NSMCE2: variants seen among roughly 807,000 people sequenced by gnomAD.
The protein encoded by NSMCE2 is NSE2 SUMO ligase component of SMC5/6 complex, also known as E3 SUMO-protein ligase NSE2.
Under a neutral mutation model 23.8 loss-of-function variants are expected in NSMCE2, and 24 were observed. That is an observed-to-expected ratio of 1.01 (90% CI 0.73 to 1.42). The LOEUF (loss-of-function observed/expected upper bound fraction) is 1.42, where lower values mean the gene tolerates loss of function less well. NSMCE2 is among the 40% of genes most tolerant of loss of function. NSMCE2 has a pLI of 0.00. For missense variants in NSMCE2, 284 were observed against 296.5 expected, an observed-to-expected ratio of 0.96 and a Z score of 0.31; for synonymous variants, 92 against 94.1, an observed-to-expected ratio of 0.98 and a Z score of 0.13.
intron 5 of NSMCE2, among the ~76,000 whole-genome samples, chr8:125,273,360 C>T (rs1414760554): frequency 6.6e-6 from 1 of 152,122 alleles, no homozygotes; most frequent in Non-Finnish European, 1.5e-5. Context: ...TGTTGCATCA[C>T]AAAGATTTAT....
Position 125,114,514 on chromosome 8 carries a change from A to G in NSMCE2, c.157+12027A>G, listed in dbSNP as rs544406447. 2.3e-4 allele frequency among the ~76,000 whole-genome samples: 35 copies of G among 152,366 alleles called. No individual in the cohort carries two copies. The South Asian group carries it at 3.7e-3, about 16-fold the overall frequency. ...ATACCCCATCCATATCCATGTATAC[A>G]TACATACGTACATATGTATATACAG... is the stretch of plus-strand genomic sequence containing the variant. On this transcript the variant is annotated intron_variant, in intron 3 of 7. Coordinates refer to ENST00000287437, the MANE Select transcript of NSMCE2 (RefSeq NM_173685.4).
Position 125,366,951 on chromosome 8 carries a change from G to A in NSMCE2, c.*66G>A, listed in dbSNP as rs1813824974. 1 of 898,696 alleles carries A rather than the reference G, an allele frequency of 1.1e-6. No homozygotes were observed. Among genetic ancestry groups the A allele is most frequent in the Non-Finnish European group, 1.9e-6 (1 of 538,608 alleles). 55.7% of individuals were successfully genotyped at this position (898,696 alleles called of 1,614,324 possible). A position where few individuals can be genotyped will look rare whatever the true frequency, so the allele number is the denominator to read the frequency against. ...CTACCCCAGCTGTCTGTTGAGAGCA[G>A]TGCTGACCCCAGCAGTTAGGGACTG... On this transcript the variant is annotated 3_prime_UTR_variant, in exon 8 of 8. Transcript: ENST00000287437.
intron 5 of NSMCE2, among the ~76,000 whole-genome samples, chr8:125,277,569 C>T (rs888756454): frequency 1.3e-5 from 2 of 151,500 alleles, no homozygotes; most frequent in Non-Finnish European, 2.9e-5. Flanking sequence ...TGCAGTGGCG[C>T]GATCTCAGCT....
chr8:125,351,610 T>C (rs574095333), intron 5 of NSMCE2, among the ~76,000 whole-genome samples: 2 of 152,306 alleles, frequency 1.3e-5, no homozygotes, highest in East Asian at 1.9e-4. Flanking sequence ...TTTCTACTTA[T>C]AGTTAGGAAA....
chr8:125,290,141 G>A (rs964528471), intron 5 of NSMCE2, among the ~76,000 whole-genome samples: 4 of 152,016 alleles, frequency 2.6e-5, no homozygotes, highest in Admixed American at 2.6e-4. Flanking sequence ...TCCAACAGAT[G>A]CATTTTTCAT....
chr8:125,202,294 C>T (rs199557188), intron 5 of NSMCE2, among the ~76,000 whole-genome samples: 7 of 152,342 alleles, frequency 4.6e-5, no homozygotes, highest in East Asian at 3.9e-4. Flanking sequence ...CAGTCTTCTG[C>T]GTCGATCACG....
At chr8:125,201,949 T>G (rs115029586) in intron 5 of NSMCE2, among the ~76,000 whole-genome samples, 3,283 of 151,900 alleles carry the variant, frequency 0.022, 127 homozygotes, top group African/African-American at 0.075. Flanking sequence ...CCTGCGAAGC[T>G]TCAGCCTCGC....
chr8:125,314,071 G>A (rs865986844), intron 5 of NSMCE2, among the ~76,000 whole-genome samples: 10 of 152,268 alleles, frequency 6.6e-5, no homozygotes, highest in Middle Eastern at 3.4e-3. Flanking sequence ...GATAGCAAAC[G>A]TGCAGAGATG....
chr8:125,197,990 T>A (rs1158299269), intron 5 of NSMCE2, among the ~76,000 whole-genome samples: 1 of 152,154 alleles, frequency 6.6e-6, no homozygotes. Flanking sequence ...TGGGTCTCTG[T>A]CTGTTATTGG....
At chr8:125,171,330 G>A (rs767430352) in intron 4 of NSMCE2, among the ~76,000 whole-genome samples, 2 of 152,138 alleles carry the variant, frequency 1.3e-5, no homozygotes, top group Non-Finnish European at 2.9e-5. Flanking sequence ...GCCTCTAATA[G>A]GCTCTAAGTA....
intron 5 of NSMCE2, among the ~76,000 whole-genome samples, chr8:125,280,555 A>G (rs1827649427): frequency 1.3e-5 from 2 of 152,254 alleles, no homozygotes; most frequent in South Asian, 2.1e-4. Context: ...GAAAAACTAC[A>G]TATTCACTAT....
At chr8:125,331,662 G>A (rs1829883013) in intron 5 of NSMCE2, among the ~76,000 whole-genome samples, 1 of 152,010 alleles carries the variant, frequency 6.6e-6, no homozygotes, top group South Asian at 2.1e-4. Flanking sequence ...GCACAGTTTG[G>A]GGACTGCCTT....
chr8:125,253,980 T>G (rs1254219138), intron 5 of NSMCE2, among the ~76,000 whole-genome samples: 1 of 152,216 alleles, frequency 6.6e-6, no homozygotes, highest in Non-Finnish European at 1.5e-5. Context: ...TTCAGGATGC[T>G]TCTCAAAAGG....
At chr8:125,267,791 G>A (rs4604454) in intron 5 of NSMCE2, among the ~76,000 whole-genome samples, 95,305 of 151,894 alleles carry the variant, frequency 0.63, 32,097 homozygotes, top group Non-Finnish European at 0.74. Context: ...ATAGTAATCG[G>A]TACTTTATCT....
At chr8:125,246,143 G>C (rs1038547576) in intron 5 of NSMCE2, among the ~76,000 whole-genome samples, 30 of 152,098 alleles carry the variant, frequency 2.0e-4, no homozygotes, top group African/African-American at 7.0e-4. Flanking sequence ...TTTTAACTCT[G>C]TGACAATTCA....
At chr8:125,290,480 C>G (rs1292551013) in intron 5 of NSMCE2, among the ~76,000 whole-genome samples, 1 of 150,878 alleles carries the variant, frequency 6.6e-6, no homozygotes, top group Non-Finnish European at 1.5e-5. Flanking sequence ...TTTTTTCTTT[C>G]TCTCAGCCTG....
intron 5 of NSMCE2, among the ~76,000 whole-genome samples, chr8:125,207,108 C>G (rs1490890562): frequency 1.3e-5 from 2 of 151,876 alleles, no homozygotes; most frequent in Non-Finnish European, 2.9e-5. Flanking sequence ...AAACTAAGTT[C>G]CATAACCTAG....
At chr8:125,180,118 A>G (rs1477187389) in intron 4 of NSMCE2, among the ~76,000 whole-genome samples, 1 of 152,168 alleles carries the variant, frequency 6.6e-6, no homozygotes, top group African/African-American at 2.4e-5. Flanking sequence ...ACAATTTTGA[A>G]CTTCTTGCAT....
intron 5 of NSMCE2, among the ~76,000 whole-genome samples, chr8:125,354,924 A>T (rs1813189482): frequency 6.6e-6 from 1 of 152,190 alleles, no homozygotes; most frequent in Non-Finnish European, 1.5e-5. Context: ...CAAGCAGAAA[A>T]TTCCACATCT....
Sources: gnomAD v4.1 joint callset for allele counts (sites outside exome capture counted in the v4.1 genomes callset) on GRCh38, gnomAD v4.1.1 for gene constraint, MANE v1.5 for transcripts, NCBI Gene and HGNC (gene_info 2026-07-23, HGNC 2026-07-21) for gene names.